Variants in SRRM4 observed in about 807,000 individuals in gnomAD.
The protein encoded by SRRM4 is serine/arginine repetitive matrix protein 4.
Under a neutral mutation model 68.9 loss-of-function variants are expected in SRRM4, and 33 were observed. The observed-to-expected ratio is 0.48, with a 90% CI of 0.36 to 0.64. The LOEUF is 0.64. SRRM4 is among the 30% of genes least tolerant of loss of function. The pLI is 0.00. For synonymous variants in SRRM4, 318 were observed against 318.8 expected (o/e 1.00, Z 0.03); for missense variants, 817 against 827.1 (o/e 0.99, Z 0.15).
intron 1 of SRRM4, among the ~76,000 whole-genome samples, chr12:119,045,615 C>T (rs1386161508): frequency 1.3e-5 from 2 of 151,948 alleles, no homozygotes; most frequent in African/African-American, 2.4e-5. Flanking sequence ...TCTCTAATGC[C>T]GATTCCAGGG....
intron 1 of SRRM4, among the ~76,000 whole-genome samples, chr12:119,023,469 A>G (rs1953528912): frequency 6.6e-6 from 1 of 152,190 alleles, no homozygotes; most frequent in South Asian, 2.1e-4. Context: ...CCCTATCAAG[A>G]GCCAAATGAT....
chr12:119,057,595 T>C (rs1372125611), intron 1 of SRRM4, among the ~76,000 whole-genome samples: 1 of 152,210 alleles, frequency 6.6e-6, no homozygotes, highest in African/African-American at 2.4e-5. Flanking sequence ...CAGTCTATCG[T>C]TGATGGGCAT....
At chr12:119,119,614 T>A (rs1356553013) in intron 4 of SRRM4, among the ~76,000 whole-genome samples, 1 of 152,098 alleles carries the variant, frequency 6.6e-6, no homozygotes, top group Non-Finnish European at 1.5e-5. Flanking sequence ...AGTGTTTTTG[T>A]AAAATGGTTG....
At chr12:118,986,873 G>A (rs911142971) in intron 1 of SRRM4, among the ~76,000 whole-genome samples, 2 of 151,810 alleles carry the variant, frequency 1.3e-5, no homozygotes, top group African/African-American at 2.4e-5. Context: ...GAACTCTTCA[G>A]GCATGCTGCA....
Position 119,039,346 on chromosome 12 carries a change from G to T in SRRM4, c.131+57333G>T, listed in dbSNP as rs534706426. 1.1e-4 allele frequency among the ~76,000 whole-genome samples: 16 copies of T among 152,314 alleles called. No individual in the cohort carries two copies. The East Asian group carries it at 3.1e-3, about 29-fold the overall frequency. On this transcript the variant is annotated intron_variant, in intron 1 of 12. Coordinates refer to ENST00000267260, the MANE Select transcript of SRRM4 (RefSeq NM_194286.4). ...ACAAGGGTGTCTCCTGGAGGGCCTG[G>T]CTAGGGTGGTCCCTGAGTGATGGAA... is the stretch of plus-strand genomic sequence containing the variant.
rs375616406 is a variant in SRRM4, at chr12:119,010,085, C to T, written c.131+28072C>T. ...TTTTCTTTCCTGAGACCGAGTCTCT[C>T]TCTGTCACCCAGGCTGGAGTGCAAT... On this transcript the variant is annotated intron_variant, in intron 1 of 12. Transcript: ENST00000267260. Among the ~76,000 whole-genome samples, 274 of 152,344 alleles carry T rather than the reference C, an allele frequency of 1.8e-3. 1 individual carries two copies. The highest frequency in any genetic ancestry group is 6.2e-3 in the African/African-American group (258 of 41,582).
chr12:119,138,398 G>A (rs768439881), intron 8 of SRRM4, among the ~76,000 whole-genome samples: 8 of 152,134 alleles, frequency 5.3e-5, no homozygotes, highest in Non-Finnish European at 8.8e-5. Flanking sequence ...ACTTCGGGGC[G>A]CATGGCTGAC....
intron 1 of SRRM4, among the ~76,000 whole-genome samples, chr12:119,082,653 C>G (rs1201626502): frequency 6.6e-6 from 1 of 152,184 alleles, no homozygotes; most frequent in Non-Finnish European, 1.5e-5. Flanking sequence ...CCCAGCAGCC[C>G]CGTTTGACCT....
intron 1 of SRRM4, among the ~76,000 whole-genome samples, chr12:119,067,817 A>G (rs149481146): frequency 1.3e-5 from 2 of 152,384 alleles, no homozygotes; most frequent in Non-Finnish European, 2.9e-5. Context: ...CCTGTGATTT[A>G]ATCTGTCTGA....
rs1953859573 is a variant in SRRM4 at position 119,068,524 on chromosome 12, C to T, written c.132-33712C>T. Among the ~76,000 whole-genome samples the T allele has an allele frequency of 3.3e-5, 5 of 152,196 alleles. No individual in the cohort carries two copies. The South Asian group carries it at 1.0e-3, about 32-fold the overall frequency. ...AGCTGCAGTGAGGGTGGGGGCGCCT[C>T]ATCCAAACTCCACTTTCTTCTCCTT... On this transcript the variant is annotated intron_variant, in intron 1 of 12. Coordinates refer to ENST00000267260, the MANE Select transcript of SRRM4 (RefSeq NM_194286.4).
chr12:119,024,580 C>T (rs1368489457), intron 1 of SRRM4, among the ~76,000 whole-genome samples: 1 of 152,188 alleles, frequency 6.6e-6, no homozygotes, highest in East Asian at 1.9e-4. Context: ...TCCTGGGTGC[C>T]CCCTCCCCTA....
chr12:119,153,960 A>G lies in SRRM4; in HGVS notation c.1392-283A>G, dbSNP rs115294187. Among the ~76,000 whole-genome samples, 1,434 of 152,058 alleles carry G rather than the reference A, an allele frequency of 9.4e-3. 20 individuals are homozygous for G. The highest frequency in any genetic ancestry group is 0.032 in the African/African-American group (1,321 of 41,464). On this transcript the variant is annotated intron_variant, in intron 11 of 12. Transcript: ENST00000267260. ...TTACCCACGCACCAGGGCCTGCGTAACATTCACGTCCTCACCCCTGCAGCA... is the reference window on the plus strand; with the variant it reads ...TTACCCACGCACCAGGGCCTGCGTAGCATTCACGTCCTCACCCCTGCAGCA...
chr12:119,118,397 C>T (rs1316768121), intron 4 of SRRM4, among the ~76,000 whole-genome samples: 1 of 152,246 alleles, frequency 6.6e-6, no homozygotes, highest in Non-Finnish European at 1.5e-5. Context: ...CATCTCAAGT[C>T]CAGTTCAAAG....
At chr12:119,008,391 T>G (rs1220297791) in intron 1 of SRRM4, among the ~76,000 whole-genome samples, 2 of 151,998 alleles carry the variant, frequency 1.3e-5, no homozygotes, top group Non-Finnish European at 2.9e-5. Flanking sequence ...ATAAAAAGAT[T>G]AATGTTATCT....
At chr12:119,068,513 T>TG (rs777062235) in intron 1 of SRRM4, among the ~76,000 whole-genome samples, 2 of 152,200 alleles carry the variant, frequency 1.3e-5, no homozygotes, top group East Asian at 1.9e-4. Flanking sequence ...GCAGTGAGGG[T>TG]GGGGGCGCCT....
intron 1 of SRRM4, among the ~76,000 whole-genome samples, chr12:119,038,884 A>G (rs1953646946): frequency 6.6e-6 from 1 of 152,186 alleles, no homozygotes; most frequent in South Asian, 2.1e-4. Flanking sequence ...TACTGTTATT[A>G]CGGGAGCCAG....
intron 1 of SRRM4, among the ~76,000 whole-genome samples, chr12:119,061,310 T>G (rs1953810761): frequency 6.6e-6 from 1 of 152,178 alleles, no homozygotes; most frequent in Non-Finnish European, 1.5e-5. Flanking sequence ...AAAAAAGGTG[T>G]AGCCCTGCGT....
At chr12:119,075,461 G>GTGATGA (rs752548140) in intron 1 of SRRM4, among the ~76,000 whole-genome samples, 1 of 146,650 alleles carries the variant, frequency 6.8e-6, no homozygotes, top group Non-Finnish European at 1.5e-5. Context: ...GGTGATGATG[G>GTGATGA]TGATGATGAT....
At chr12:119,148,514 A>C (rs1954418330) in intron 9 of SRRM4, among the ~76,000 whole-genome samples, 1 of 152,248 alleles carries the variant, frequency 6.6e-6, no homozygotes, top group Non-Finnish European at 1.5e-5. Context: ...ATATTCGTTG[A>C]GCCCAAATCA....
Sources: allele counts gnomAD v4.1 joint callset (sites outside exome capture counted in the v4.1 genomes callset), GRCh38; gene constraint gnomAD v4.1.1; transcripts MANE v1.5; gene names NCBI Gene and HGNC (gene_info 2026-07-23, HGNC 2026-07-21).